Variants in MCF2L2 observed in about 807,000 individuals in gnomAD.
MCF2L2 encodes probable guanine nucleotide exchange factor MCF2L2.
A neutral mutation model predicts 150.2 loss-of-function variants in MCF2L2; 102 were observed. The ratio of observed to expected loss-of-function variants is 0.68; its 90% confidence interval spans 0.58 to 0.80. The LOEUF is 0.80. MCF2L2 is among the 30% of genes least tolerant of loss of function. The pLI is 0.00. For synonymous variants in MCF2L2, 465 were observed against 491.3 expected (o/e 0.95, Z 0.71); for missense variants, 1,256 against 1,372.8 (o/e 0.91, Z 1.34).
intron 15 of MCF2L2, among the ~76,000 whole-genome samples, chr3:183,238,242 AT>A (rs539424224): frequency 0.1 from 11,439 of 112,726 alleles, 941 homozygotes; most frequent in African/African-American, 0.24. Context: ...TTTTTTTGCG[AT>A]TTTTTTTTTT....
In MCF2L2 at chr3:183,298,443, T is replaced by G. The variant is rs576010071; in HGVS notation, c.1306-1276A>C. 113 of 152,328 alleles carry G rather than the reference T, an allele frequency of 7.4e-4. 1 individual carries two copies. Among genetic ancestry groups the G allele is most frequent in the African/African-American group, 2.1e-3 (89 of 41,572 alleles). The allele number at this position is 152,328 out of a possible 1,614,324, so 9.4% of individuals were successfully genotyped here. ...GCAACTTAAGTTTTTGTCTTATTTT[T>G]TTCCTAGATTATTTACAGTGAATAT... On this transcript the variant is annotated intron_variant, in intron 11 of 29. Coordinates refer to ENST00000328913, the MANE Select transcript of MCF2L2 (RefSeq NM_015078.4).
intron 15 of MCF2L2, chr3:183,266,248 A>T (rs563990172): frequency 6.6e-6 from 1 of 152,372 alleles, no homozygotes; most frequent in South Asian, 2.1e-4. Flanking sequence ...TCAGACTTGC[A>T]AACAACTGTA....
At chr3:183,321,443 A>AC in intron 6 of MCF2L2, among the ~76,000 whole-genome samples, 1 of 151,866 alleles carries the variant, frequency 6.6e-6, no homozygotes, top group Non-Finnish European at 1.5e-5. Flanking sequence ...GTCTCAAAAA[A>AC]AAAAAAAAAA....
chr3:183,265,977 A>G (rs1258060037), intron 15 of MCF2L2: 1 of 152,198 alleles, frequency 6.6e-6, no homozygotes, highest in African/African-American at 2.4e-5. Flanking sequence ...AAGCATTTTG[A>G]CTTGTTGATG....
intron 2 of MCF2L2, among the ~76,000 whole-genome samples, chr3:183,383,744 C>A (rs1250698453): frequency 2.0e-5 from 3 of 152,110 alleles, no homozygotes; most frequent in Non-Finnish European, 4.4e-5. Flanking sequence ...TCCTTTGATT[C>A]CTCCTTTACA....
chr3:183,318,572 A>G (rs142305230), intron 6 of MCF2L2, among the ~76,000 whole-genome samples: 1 of 152,368 alleles, frequency 6.6e-6, no homozygotes, highest in Non-Finnish European at 1.5e-5. Flanking sequence ...TGTCACACAG[A>G]AAAGAATCTA....
intron 3 of MCF2L2, among the ~76,000 whole-genome samples, chr3:183,370,351 A>G (rs115295503): frequency 0.11 from 16,305 of 152,292 alleles, 975 homozygotes; most frequent in East Asian, 0.25. Context: ...AGTGTGGCCG[A>G]GCAATGCCCG....
chr3:183,338,719 A>G, intron 5 of MCF2L2, 81 bp downstream of exon 5: 1 of 1,428,274 alleles, frequency 7.0e-7, no homozygotes, highest in East Asian at 2.4e-5. Context: ...GTTGAATCTT[A>G]TCTTGCCCAG....
intron 20 of MCF2L2, among the ~76,000 whole-genome samples, chr3:183,220,390 T>C (rs1001526436): frequency 6.6e-6 from 1 of 152,206 alleles, no homozygotes; most frequent in Non-Finnish European, 1.5e-5. Flanking sequence ...TATTTTCCCA[T>C]GATATTATAT....
Position 183,228,286 on chromosome 3 carries a change from T to A in MCF2L2, c.2115+11A>T, listed in dbSNP as rs768069167. On this transcript the variant is annotated intron_variant, in intron 18 of 29. Transcript: ENST00000328913. ...CTTTAACATGATTATTTACTGGGAG[T>A]ACAGACTTACTCTCTTGAGAAAGCA... 6.2e-7 allele frequency: 1 copy of A among 1,606,714 alleles called. No individual in the cohort carries two copies. Among genetic ancestry groups the A allele is most frequent in the African/African-American group, 1.3e-5 (1 of 74,718 alleles).
intron 3 of MCF2L2, among the ~76,000 whole-genome samples, chr3:183,353,918 C>T (rs904852856): frequency 3.9e-5 from 6 of 152,066 alleles, no homozygotes; most frequent in Non-Finnish European, 7.3e-5. Context: ...CCTCTCACCA[C>T]ACTTTTTTTT....
chr3:183,315,829 G>T (rs1228384254), intron 7 of MCF2L2, among the ~76,000 whole-genome samples: 1 of 152,150 alleles, frequency 6.6e-6, no homozygotes, highest in Non-Finnish European at 1.5e-5. Flanking sequence ...TGACTGGCTG[G>T]TTTTCACCCC....
chr3:183,180,036 G>A (rs1325862449), intron 28 of MCF2L2, 35 bp downstream of exon 28: 2 of 1,505,310 alleles, frequency 1.3e-6, no homozygotes, highest in East Asian at 2.3e-5. Context: ...AGGAAGGAGG[G>A]AAGAAGATGA....
chr3:183,368,717 T>C (rs1006273985), intron 3 of MCF2L2, among the ~76,000 whole-genome samples: 15 of 152,200 alleles, frequency 9.9e-5, no homozygotes, highest in African/African-American at 3.4e-4. Context: ...TGAGCCGAGA[T>C]TGTGCCACTG....
chr3:183,257,265 T>G (rs1411466170), intron 15 of MCF2L2, among the ~76,000 whole-genome samples: 2 of 152,226 alleles, frequency 1.3e-5, no homozygotes, highest in African/African-American at 4.8e-5. Flanking sequence ...AGGCACAGTA[T>G]ACATCTACTT....
At chr3:183,346,227 C>T (rs556043260) in intron 3 of MCF2L2, among the ~76,000 whole-genome samples, 180 of 152,330 alleles carry the variant, frequency 1.2e-3, no homozygotes, top group Middle Eastern at 6.8e-3. Context: ...CCACCACGAT[C>T]AAGTCGGCTT....
At chr3:183,343,669 C>CA (rs1157611373) in intron 3 of MCF2L2, among the ~76,000 whole-genome samples, 1 of 151,924 alleles carries the variant, frequency 6.6e-6, no homozygotes, top group Non-Finnish European at 1.5e-5. Flanking sequence ...ATGCCCAGCC[C>CA]AACATAGCAA....
intron 3 of MCF2L2, among the ~76,000 whole-genome samples, chr3:183,346,576 G>A (rs570465253): frequency 6.6e-6 from 1 of 152,174 alleles, no homozygotes; most frequent in Admixed American, 6.5e-5. Flanking sequence ...TGAGGCAAGA[G>A]AATGAAATAA....
chr3:183,428,044 T>C lies in MCF2L2; in HGVS notation c.-67A>G. 1.6e-6 allele frequency: 2 copies of C among 1,242,150 alleles called. No homozygotes were observed. 76.9% of individuals were successfully genotyped at this position (1,242,150 alleles called of 1,614,324 possible). ...CTGTTTCTACCGCTGCGGTGGATGA[T>C]TTTTTAAAGGCATCTCCGCCCAAGG... On this transcript the variant is annotated 5_prime_UTR_variant, in exon 1 of 30. Coordinates refer to ENST00000328913, the MANE Select transcript of MCF2L2 (RefSeq NM_015078.4). The surrounding 1 kb of genome is among the most constrained non-coding windows in gnomAD (Gnocchi z 5.1).
Sources: allele counts gnomAD v4.1 joint callset (sites outside exome capture counted in the v4.1 genomes callset), GRCh38; gene constraint gnomAD v4.1.1; non-coding constraint Gnocchi (gnomAD v3.1); transcripts MANE v1.5; gene names NCBI Gene and HGNC (gene_info 2026-07-23, HGNC 2026-07-21).